The following NBEAL1 variants were observed in gnomAD, a reference collection of about 807,000 sequenced individuals.
NBEAL1 encodes the protein neurobeachin like 1, also known as neurobeachin-like protein 1.
A neutral mutation model predicts 351.3 loss-of-function variants in NBEAL1; 273 were observed. The ratio of observed to expected loss-of-function variants is 0.78; its 90% confidence interval spans 0.70 to 0.86. The LOEUF (loss-of-function observed/expected upper bound fraction) is 0.86. NBEAL1 is among the 40% of genes least tolerant of loss of function. NBEAL1 has a pLI of 0.00. For missense variants in NBEAL1, 2,961 were observed against 3,201.3 expected, an observed-to-expected ratio of 0.92 and a Z score of 1.81; for synonymous variants, 1,050 against 1,086.4, an observed-to-expected ratio of 0.97 and a Z score of 0.66.
At chr2:203,097,506 T>G in intron 10 of NBEAL1, 41 bp from the exon 11 acceptor site, 2 of 850,390 alleles carry the variant, frequency 2.4e-6, no homozygotes, top group Non-Finnish European at 2.8e-6. Flanking sequence ...GGTAACAATT[T>G]AATGTTCTTT....
chr2:203,144,841 C>T lies in NBEAL1; in HGVS notation c.5090C>T (p.Ser1697Leu), dbSNP rs767658754. 9 of 1,611,130 alleles carry T rather than the reference C, an allele frequency of 5.6e-6. No individual in the cohort carries two copies. In the East Asian group the frequency reaches 1.8e-4, roughly 32 times the overall value. ...PSLPFTNGSS[S>L]FFEDFQEYCN... The stretch of plus-strand genomic sequence containing the variant: ...TTACCTTTTACCAATGGTAGCTCCT[C>T]ATTTTTTGAAGATTTTCAAGAATAT... Residue 1697 changes from serine (S) to leucine (L), a missense_variant, in exon 32 of 56, where the codon TCA becomes TTA. Transcript: ENST00000683969.
chr2:203,036,310 T>G (rs898018692), intron 2 of NBEAL1, among the ~76,000 whole-genome samples: 2 of 149,222 alleles, frequency 1.3e-5, no homozygotes, highest in African/African-American at 4.9e-5. Flanking sequence ...AATGTGGCTT[T>G]TTTTGTGTGT....
At chr2:203,088,647 C>G (rs2062011085) in intron 10 of NBEAL1, among the ~76,000 whole-genome samples, 1 of 152,248 alleles carries the variant, frequency 6.6e-6, no homozygotes, top group Non-Finnish European at 1.5e-5. Context: ...CATAAAAGTT[C>G]CAGAGTGACT....
rs539142157 is a variant in NBEAL1 at position 203,040,318 on chromosome 2, C to T, written c.52-1447C>T. The T allele has an allele frequency of 4.7e-5, 35 of 738,712 alleles. No homozygotes were observed. In the Middle Eastern group the frequency reaches 8.1e-4, roughly 17 times the overall value. 45.8% of individuals were successfully genotyped at this position (738,712 alleles called of 1,614,324 possible). On this transcript the variant is annotated intron_variant, in intron 2 of 55. Coordinates refer to ENST00000683969, the MANE Select transcript of NBEAL1 (RefSeq NM_001378026.1). Reference sequence around the variant, plus strand: ...GAAATGTGACAAGGTGCATCTCAGACGACTAGAAATGAGACCTCATGCCTT... The same window carrying T: ...GAAATGTGACAAGGTGCATCTCAGATGACTAGAAATGAGACCTCATGCCTT...
In NBEAL1 at chr2:203,171,964, C is replaced by T; in HGVS notation, c.6139C>T (p.Leu2047Phe). The T allele has an allele frequency of 1.2e-6, 2 of 1,605,810 alleles. No individual in the cohort carries two copies. Among genetic ancestry groups the T allele is most frequent in the Non-Finnish European group, 8.5e-7 (1 of 1,177,234 alleles). The change falls in exon 40 of 56, where the codon CTC becomes TTC. Residue 2047 changes from leucine (L) to phenylalanine (F), a missense_variant. Leu to Phe is a conservative substitution (Grantham distance 22). Transcript: ENST00000683969. ...VNREISNFDY[L>F]IQINTMAGRT... is the part of the protein sequence containing the mutation. ...CAGAGAGATATCAAATTTTGACTAC[C>T]TCATTCAAATAAATACAATGGCAGG...
intron 15 of NBEAL1, among the ~76,000 whole-genome samples, chr2:203,111,006 C>T (rs1458550203): frequency 2.0e-5 from 3 of 151,740 alleles, no homozygotes; most frequent in African/African-American, 4.8e-5. Context: ...CCTTGTGATC[C>T]GCCCATCTCT....
chr2:203,220,438 C>T lies in NBEAL1; in HGVS notation c.*3084C>T, dbSNP rs1210756804. Among the ~76,000 whole-genome samples, 4 of 151,628 alleles carry T rather than the reference C, an allele frequency of 2.6e-5. No homozygotes were observed. Among genetic ancestry groups the T allele is most frequent in the Admixed American group, 6.6e-5 (1 of 15,214 alleles). The stretch of plus-strand genomic sequence containing the variant: ...GGCAGAGGTTGCAGTGAGCCAAAAT[C>T]GCACCACTGCACTCCAGCCTGGGCA... On this transcript the variant is annotated 3_prime_UTR_variant, in exon 56 of 56. Transcript: ENST00000683969.
Position 203,213,531 on chromosome 2 carries a change from A to G in NBEAL1, c.7948A>G (p.Ile2650Val), listed in dbSNP as rs762471421. Residue 2650 changes from isoleucine (I) to valine (V), a missense_variant, in exon 55 of 56, where the codon ATC becomes GTC. Coordinates refer to ENST00000683969, the MANE Select transcript of NBEAL1 (RefSeq NM_001378026.1). ...TTTCTTTTCTAGCTTGAATCTCAGC[A>G]TCAACCCATTAGCCATGCGACTGCC... ...IRDLHSLNLS[I>V]NPLAMRLPIH... 3.1e-6 allele frequency: 5 copies of G among 1,612,778 alleles called. No individual in the cohort carries two copies. The highest frequency in any genetic ancestry group is 1.7e-5 in the Admixed American group (1 of 59,802).
At chr2:203,025,872 T>C (rs1043403642) in intron 2 of NBEAL1, among the ~76,000 whole-genome samples, 1 of 152,154 alleles carries the variant, frequency 6.6e-6, no homozygotes, top group Non-Finnish European at 1.5e-5. Context: ...CTGTGTTTTC[T>C]TGGAGGTTCT....
rs367884675 is a variant in NBEAL1 at position 203,193,853 on chromosome 2, A to G, written c.6980A>G (p.Asp2327Gly). 1.6e-5 allele frequency: 25 copies of G among 1,612,832 alleles called. No homozygotes were observed. The highest frequency in any genetic ancestry group is 2.0e-5 in the Non-Finnish European group (24 of 1,179,330). The stretch of plus-strand genomic sequence containing the variant: ...GCAGTGCAGAAGCCAACCAAAATAG[A>G]CACTTCAACCCTAAACCTGTTTCAA... ...EEAVQKPTKIDTSTLNLFQHL... is the reference protein window; with the variant it reads ...EEAVQKPTKIGTSTLNLFQHL... The change falls in exon 47 of 56, where the codon GAC becomes GGC. Residue 2327 changes from aspartate to glycine, a missense_variant. Transcript: ENST00000683969.
chr2:203,150,575 TTTG>T (rs2063624275), intron 34 of NBEAL1, among the ~76,000 whole-genome samples: 1 of 152,018 alleles, frequency 6.6e-6, no homozygotes, highest in South Asian at 2.1e-4. Context: ...TTTAATCTAT[TTTG>T]TTGTTGTTTT....
At chr2:203,213,870 C>A in intron 55 of NBEAL1, 1 of 739,654 alleles carries the variant, frequency 1.4e-6, no homozygotes, top group Non-Finnish European at 1.7e-6. Flanking sequence ...TTCTATCTAC[C>A]ACTCTATAGG....
At position 203,039,278 on chromosome 2, in the gene NBEAL1, TCCC is replaced by T. The variant is rs1559324536; in HGVS notation, c.52-2486_52-2484del. Among the ~76,000 whole-genome samples, 88 of 40,910 alleles carry T rather than the reference TCCC, an allele frequency of 2.2e-3. 1 individual carries two copies. Among genetic ancestry groups the T allele is most frequent in the African/African-American group, 7.9e-3 (82 of 10,414 alleles). 26.8% of individuals were successfully genotyped at this position (40,910 alleles called of 152,430 possible). On this transcript the variant is annotated intron_variant, in intron 2 of 55. Transcript: ENST00000683969. ...TCCCTTCCCTTCCCTTCCCTTCCCTTCCCTTTCGCTTCCCCTCCCCCTGGCCCT... is the reference window on the plus strand; with the variant it reads ...TCCCTTCCCTTCCCTTCCCTTCCCTTTTTCGCTTCCCCTCCCCCTGGCCCT...
chr2:203,051,183 A>G (rs567530661), intron 4 of NBEAL1, among the ~76,000 whole-genome samples: 1 of 152,290 alleles, frequency 6.6e-6, no homozygotes, highest in Non-Finnish European at 1.5e-5. Context: ...AGAGCCTTAG[A>G]CATGTTTTTA....
chr2:203,065,046 C>A (rs1474043837), intron 6 of NBEAL1, among the ~76,000 whole-genome samples: 1 of 151,820 alleles, frequency 6.6e-6, no homozygotes, highest in Non-Finnish European at 1.5e-5. Flanking sequence ...TCACTTAAAC[C>A]CAGGAGTTCG....
At chr2:203,133,457 T>C (rs1404064967) in intron 27 of NBEAL1, among the ~76,000 whole-genome samples, 1 of 152,060 alleles carries the variant, frequency 6.6e-6, no homozygotes, top group Non-Finnish European at 1.5e-5. Context: ...TAATATACCA[T>C]ATTATAGAGT....
intron 10 of NBEAL1, among the ~76,000 whole-genome samples, chr2:203,093,409 A>G (rs139772233): frequency 7.9e-5 from 12 of 152,346 alleles, no homozygotes; most frequent in Admixed American, 2.6e-4. Flanking sequence ...TGTCATAGCT[A>G]TCATGATGGT....
chr2:203,058,463 G>T (rs1317135659), intron 6 of NBEAL1, among the ~76,000 whole-genome samples: 1 of 152,208 alleles, frequency 6.6e-6, no homozygotes, highest in East Asian at 1.9e-4. Flanking sequence ...GGAACAAAGG[G>T]AAGAGAATGG....
At chr2:203,130,637 A>G (rs77848208) in intron 25 of NBEAL1, among the ~76,000 whole-genome samples, 161 bp downstream of exon 25, 5,908 of 152,176 alleles carry the variant, frequency 0.039, 376 homozygotes, top group African/African-American at 0.13. Context: ...AGTTGTTTGC[A>G]TATTAAAAAA....
Sources: gnomAD v4.1 joint callset for allele counts (sites outside exome capture counted in the v4.1 genomes callset) on GRCh38, gnomAD v4.1.1 for gene constraint, MANE v1.5 for transcripts, NCBI Gene and HGNC (gene_info 2026-07-23, HGNC 2026-07-21) for gene names.